Variants in FGF12 observed in about 807,000 individuals in gnomAD.
FGF12 encodes fibroblast growth factor 12B.
A neutral mutation model predicts 23.6 loss-of-function variants in FGF12; 14 were observed. The observed-to-expected ratio is 0.59, with a 90% CI of 0.39 to 0.93. The LOEUF (loss-of-function observed/expected upper bound fraction) is 0.93, where lower values mean the gene tolerates loss of function less well. Ranked by LOEUF, FGF12 falls within the 40% of genes least tolerant of loss-of-function variation. FGF12 has a pLI of 0.00. For missense variants in FGF12, 175 were observed against 217.8 expected, an observed-to-expected ratio of 0.80 and a Z score of 1.24; for synonymous variants, 62 against 77.3, an observed-to-expected ratio of 0.80 and a Z score of 1.04.
chr3:192,503,901 T>C (rs141562722), intron 2 of FGF12, among the ~76,000 whole-genome samples: 248 of 152,302 alleles, frequency 1.6e-3, no homozygotes, highest in African/African-American at 5.7e-3. Context: ...TATATGTTCA[T>C]TGCAGCACCG....
chr3:192,309,979 G>A (rs1457074134), intron 4 of FGF12, among the ~76,000 whole-genome samples: 2 of 152,010 alleles, frequency 1.3e-5, no homozygotes, highest in African/African-American at 2.4e-5. Context: ...ACTACACAAG[G>A]TGAAGTAGAT....
At chr3:192,459,058 G>A (rs1437319800) in intron 2 of FGF12, among the ~76,000 whole-genome samples, 3 of 152,164 alleles carry the variant, frequency 2.0e-5, no homozygotes, top group Non-Finnish European at 4.4e-5. Context: ...CCATGATTCT[G>A]AGGCCTCCCC....
chr3:192,182,692 T>C (rs1016552718), intron 4 of FGF12, among the ~76,000 whole-genome samples: 1 of 152,218 alleles, frequency 6.6e-6, no homozygotes, highest in African/African-American at 2.4e-5. Context: ...AAACTCATCA[T>C]TCTTTGAACT....
intron 2 of FGF12, among the ~76,000 whole-genome samples, chr3:192,415,748 A>T (rs1208753838): frequency 3.3e-4 from 50 of 151,410 alleles, no homozygotes; most frequent in South Asian, 6.3e-4. Context: ...ACACACACAC[A>T]CACACACACA....
At chr3:192,457,367 G>A (rs1008126947) in intron 2 of FGF12, among the ~76,000 whole-genome samples, 2 of 152,198 alleles carry the variant, frequency 1.3e-5, no homozygotes, top group Admixed American at 6.5e-5. Context: ...ATGTGGAAAA[G>A]TTTGGAACCT....
intron 2 of FGF12, among the ~76,000 whole-genome samples, chr3:192,696,844 A>C (rs962517679): frequency 4.5e-4 from 68 of 152,114 alleles, no homozygotes; most frequent in African/African-American, 1.6e-3. Context: ...TTATATAACA[A>C]GGCCACACTA....
At chr3:192,613,073 T>A (rs77724188) in intron 2 of FGF12, among the ~76,000 whole-genome samples, 2 of 151,904 alleles carry the variant, frequency 1.3e-5, no homozygotes, top group Admixed American at 1.3e-4. Context: ...CTACTTCTTA[T>A]TTACCATTTT....
intron 2 of FGF12, among the ~76,000 whole-genome samples, chr3:192,554,173 C>A (rs2108588216): frequency 6.6e-6 from 1 of 152,308 alleles, no homozygotes; most frequent in African/African-American, 2.4e-5. Flanking sequence ...ATTGCTGCTG[C>A]TACTGATAAC....
At chr3:192,348,828 T>A (rs1448121322) in intron 3 of FGF12, among the ~76,000 whole-genome samples, 1 of 152,182 alleles carries the variant, frequency 6.6e-6, no homozygotes, top group African/African-American at 2.4e-5. Flanking sequence ...TTACTCATCT[T>A]CAAAATAGAA....
chr3:192,240,510 A>G (rs1468834201), intron 4 of FGF12, among the ~76,000 whole-genome samples: 1 of 152,222 alleles, frequency 6.6e-6, no homozygotes, highest in African/African-American at 2.4e-5. Flanking sequence ...TGTTATATGC[A>G]AAAGATTTTG....
intron 2 of FGF12, among the ~76,000 whole-genome samples, chr3:192,666,574 T>C (rs954334493): frequency 7.9e-5 from 12 of 152,360 alleles, no homozygotes; most frequent in Middle Eastern, 3.4e-3. Flanking sequence ...ATAGTCTGGC[T>C]GTTGGACATA....
intron 2 of FGF12, among the ~76,000 whole-genome samples, chr3:192,543,294 G>A (rs1725417416): frequency 6.6e-6 from 1 of 152,070 alleles, no homozygotes; most frequent in African/African-American, 2.4e-5. Context: ...CCTTGCCCCA[G>A]ACCCATGGCG....
At position 192,408,034 on chromosome 3, in the gene FGF12, G is replaced by C; in HGVS notation, c.14-47496C>G. The C allele has an allele frequency of 6.2e-7, 1 of 1,610,528 alleles. No individual in the cohort carries two copies. The highest frequency in any genetic ancestry group is 8.5e-7 in the Non-Finnish European group (1 of 1,179,064). On this transcript the variant is annotated intron_variant, in intron 2 of 5. Coordinates refer to ENST00000445105, the MANE Select transcript of FGF12 (RefSeq NM_004113.6). The surrounding 1 kb of genome is among the most constrained non-coding windows in gnomAD (Gnocchi z 7.3). ...CCGGGCTTCTACTGACCTGGTCTCC[G>C]CCTCACCGGCCTCTTGCGGCCGCTG... is the stretch of plus-strand genomic sequence containing the variant.
At chr3:192,655,877 G>A (rs4687351) in intron 2 of FGF12, among the ~76,000 whole-genome samples, 86,242 of 151,260 alleles carry the variant, frequency 0.57, 24,967 homozygotes, top group East Asian at 0.67. Flanking sequence ...ATGGGAAGAG[G>A]TGAACACAAG....
intron 4 of FGF12, among the ~76,000 whole-genome samples, chr3:192,289,925 A>C (rs1042652955): frequency 2.6e-5 from 4 of 152,100 alleles, no homozygotes; most frequent in Admixed American, 6.6e-5. Flanking sequence ...CCTTCAGAAA[A>C]GGTTTTATCA....
At chr3:192,386,192 A>G (rs191681355) in intron 2 of FGF12, among the ~76,000 whole-genome samples, 107 of 152,312 alleles carry the variant, frequency 7.0e-4, no homozygotes, top group African/African-American at 2.3e-3. Context: ...CCACAGTTCC[A>G]CGCTGACTTC....
chr3:192,408,397 T>C lies in FGF12; in HGVS notation c.14-47859A>G. The C allele has an allele frequency of 7.1e-7, 1 of 1,412,554 alleles. No homozygotes were observed. Among genetic ancestry groups the C allele is most frequent in the Non-Finnish European group, 9.2e-7 (1 of 1,088,474 alleles). The allele number at this position is 1,412,554 out of a possible 1,614,324, so 87.5% of individuals were successfully genotyped here. ...CCGGCGCTCACAAGGTTAGTCAAAG[T>C]CTGGGCAGTGGCGACAAAATGTGTG... On this transcript the variant is annotated intron_variant, in intron 2 of 5. Coordinates refer to ENST00000445105, the MANE Select transcript of FGF12 (RefSeq NM_004113.6). The surrounding 1 kb of genome is among the most constrained non-coding windows in gnomAD (Gnocchi z 7.3).
chr3:192,453,723 C>T (rs1022096888), intron 2 of FGF12, among the ~76,000 whole-genome samples: 1 of 152,062 alleles, frequency 6.6e-6, no homozygotes, highest in African/African-American at 2.4e-5. Context: ...ATGTCTCTTG[C>T]TTGGCTTGGG....
chr3:192,682,014 T>C (rs1434418342), intron 2 of FGF12, among the ~76,000 whole-genome samples: 4 of 152,248 alleles, frequency 2.6e-5, no homozygotes, highest in African/African-American at 9.6e-5. Flanking sequence ...GTTAAGACAG[T>C]GACAGGTAGA....
Sources: allele counts gnomAD v4.1 joint callset (sites outside exome capture counted in the v4.1 genomes callset), GRCh38; gene constraint gnomAD v4.1.1; non-coding constraint Gnocchi (gnomAD v3.1); transcripts MANE v1.5; gene names NCBI Gene and HGNC (gene_info 2026-07-23, HGNC 2026-07-21).